TMEM178A: variants seen among roughly 807,000 people sequenced by gnomAD.
The protein encoded by TMEM178A is transmembrane protein 178A.
TMEM178A carries 12 observed loss-of-function variants against 29.1 expected under a neutral mutation model. That is an observed-to-expected ratio of 0.41 (90% CI 0.26 to 0.67). TMEM178A has a LOEUF of 0.67. Ranked by LOEUF, TMEM178A falls within the 30% of genes least tolerant of loss-of-function variation. The probability of loss-of-function intolerance (pLI) is 0.29; values close to 1 mark genes in which losing one functional copy is unlikely to be tolerated. For synonymous variants in TMEM178A, 210 were observed against 187.2 expected (o/e 1.12, Z -0.99); for missense variants, 366 against 419.1 (o/e 0.87, Z 1.11).
intron 3 of TMEM178A, among the ~76,000 whole-genome samples, chr2:39,715,947 C>T (rs1024200488): frequency 1.6e-4 from 25 of 152,172 alleles, no homozygotes; most frequent in African/African-American, 6.0e-4. Context: ...ACTTTTAGCT[C>T]TCTCTTTTCA....
rs1572655791 is a variant in TMEM178A, at chr2:39,680,582, A to G, written c.400+14208A>G. 5.9e-5 allele frequency among the ~76,000 whole-genome samples: 9 copies of G among 152,216 alleles called. 1 individual carries two copies. In the South Asian group the frequency reaches 1.9e-3, roughly 32 times the overall value. ...TCTTAGATGATTTCATAGGGAATTG[A>G]TAATAAGTTATACCTGGTGTCAGGA... On this transcript the variant is annotated intron_variant, in intron 1 of 3. Coordinates refer to ENST00000281961, the MANE Select transcript of TMEM178A (RefSeq NM_152390.3).
intron 3 of TMEM178A, among the ~76,000 whole-genome samples, chr2:39,709,789 G>A (rs1457964681): frequency 6.6e-6 from 1 of 152,172 alleles, no homozygotes; most frequent in African/African-American, 2.4e-5. Context: ...GGAAAATGGG[G>A]GATGCTCTGG....
At chr2:39,675,458 T>C (rs1409095974) in intron 1 of TMEM178A, among the ~76,000 whole-genome samples, 1 of 152,098 alleles carries the variant, frequency 6.6e-6, no homozygotes, top group East Asian at 1.9e-4. Context: ...CTGAAATAAA[T>C]AGGTCTGAGA....
intron 1 of TMEM178A, among the ~76,000 whole-genome samples, chr2:39,679,033 A>T (rs1670750645): frequency 6.6e-6 from 1 of 152,108 alleles, no homozygotes; most frequent in Admixed American, 6.5e-5. Context: ...CACCTCTCTC[A>T]TTCCCTGCAG....
At chr2:39,719,967 G>A (rs1672670981), downstream of TMEM178A, among the ~76,000 whole-genome samples, 1 of 152,024 alleles carries the variant, frequency 6.6e-6, no homozygotes, top group Admixed American at 6.5e-5. Context: ...CATTAATGAA[G>A]CAAAACAGAC....
At chr2:39,731,502 GA>G in the TMEM178A span, among the ~76,000 whole-genome samples, 4 of 152,302 alleles carry the variant, frequency 2.6e-5, no homozygotes, top group Middle Eastern at 3.4e-3. Context: ...CTAGGAAGCA[GA>G]ACTTCTTTTA....
chr2:39,666,313 C>T lies in TMEM178A; in HGVS notation c.339C>T (p.Gly113=), dbSNP rs772869428. 2.1e-6 allele frequency: 3 copies of T among 1,451,030 alleles called. No individual in the cohort carries two copies. The highest frequency in any genetic ancestry group is 1.8e-4 in the Middle Eastern group (1 of 5,588). The allele number at this position is 1,451,030 out of a possible 1,614,324, so 89.9% of individuals were successfully genotyped here. A position where few individuals can be genotyped will look rare whatever the true frequency, so the allele number is the denominator to read the frequency against. The part of the protein sequence containing the change: ...CGRPLFATYS[G]LWRKCYFLGI... ...GGCCCCTCTTCGCCACCTACTCGGG[C>T]CTCTGGAGGAAGTGCTACTTCCTGG... The change falls in exon 1 of 4, where the codon GGC becomes GGT. Residue 113 remains glycine, a synonymous_variant. Coordinates refer to ENST00000281961, the MANE Select transcript of TMEM178A (RefSeq NM_152390.3).
chr2:39,699,534 G>A lies in TMEM178A; in HGVS notation c.401-4547G>A, dbSNP rs192563190. ...TGCAGTGGTGCAATCTCAGCTCACT[G>A]CAGCCTACATCTCCTGGGCTTAAGC... is the stretch of plus-strand genomic sequence containing the variant. On this transcript the variant is annotated intron_variant, in intron 1 of 3. Transcript: ENST00000281961. Among the ~76,000 whole-genome samples the A allele has an allele frequency of 8.2e-3, 1,245 of 151,720 alleles. 19 individuals carry two copies. The highest frequency in any genetic ancestry group is 0.029 in the African/African-American group (1,187 of 41,236).
At chr2:39,702,203 G>A (rs1438039918) in intron 1 of TMEM178A, among the ~76,000 whole-genome samples, 1 of 151,834 alleles carries the variant, frequency 6.6e-6, no homozygotes, top group Admixed American at 6.6e-5. Flanking sequence ...TTTTATTGTT[G>A]TTGCTGTTGT....
intron 3 of TMEM178A, among the ~76,000 whole-genome samples, chr2:39,710,667 A>G (rs1230261056): frequency 6.6e-6 from 1 of 152,206 alleles, no homozygotes. Context: ...TTAGCTGTAG[A>G]ACGTTCACAT....
chr2:39,689,450 G>A (rs1298497894), intron 1 of TMEM178A, among the ~76,000 whole-genome samples: 1 of 152,160 alleles, frequency 6.6e-6, no homozygotes, highest in Non-Finnish European at 1.5e-5. Context: ...AAAGCCATGT[G>A]CTAAATAAAT....
intron 1 of TMEM178A, among the ~76,000 whole-genome samples, chr2:39,670,396 C>A (rs898088281): frequency 6.6e-6 from 1 of 152,044 alleles, no homozygotes; most frequent in Non-Finnish European, 1.5e-5. Flanking sequence ...GATAAAAATC[C>A]CTGCCTTCAT....
the TMEM178A span, among the ~76,000 whole-genome samples, chr2:39,731,238 G>T: frequency 6.6e-6 from 1 of 152,194 alleles, no homozygotes; most frequent in African/African-American, 2.4e-5. Context: ...TCTTCACAAG[G>T]GGGAGGGTCT....
chr2:39,666,480 C>T (rs1371641568), intron 1 of TMEM178A, 106 bp downstream of exon 1: 7 of 930,214 alleles, frequency 7.5e-6, no homozygotes, highest in South Asian at 5.2e-5. Context: ...GCCGCGGCCC[C>T]GCGCCTGGGC....
At chr2:39,706,269 A>T (rs968863354) in intron 2 of TMEM178A, among the ~76,000 whole-genome samples, 1 of 152,166 alleles carries the variant, frequency 6.6e-6, no homozygotes, top group Non-Finnish European at 1.5e-5. Flanking sequence ...AGTGGAGATT[A>T]TGTAGTGGAG....
chr2:39,690,216 G>T (rs1671255327), intron 1 of TMEM178A, among the ~76,000 whole-genome samples: 1 of 152,182 alleles, frequency 6.6e-6, no homozygotes, highest in Admixed American at 6.5e-5. Context: ...CCATCAAGGG[G>T]CCCAACCATG....
chr2:39,718,876 A>T (rs1327567601), downstream of TMEM178A, among the ~76,000 whole-genome samples: 1 of 152,234 alleles, frequency 6.6e-6, no homozygotes, highest in East Asian at 1.9e-4. Flanking sequence ...AGAAGACGCC[A>T]TTCCAGAATA....
At chr2:39,695,575 G>A (rs1417853555) in intron 1 of TMEM178A, among the ~76,000 whole-genome samples, 1 of 151,780 alleles carries the variant, frequency 6.6e-6, no homozygotes, top group African/African-American at 2.4e-5. Flanking sequence ...TAAAGTTAGT[G>A]ATGTAGGCTA....
At chr2:39,668,507 G>A (rs925547943) in intron 1 of TMEM178A, among the ~76,000 whole-genome samples, 3 of 152,228 alleles carry the variant, frequency 2.0e-5, no homozygotes, top group South Asian at 2.1e-4. Context: ...GACCTTCTTC[G>A]CCTTCGGTTT....
Sources: allele counts gnomAD v4.1 joint callset (sites outside exome capture counted in the v4.1 genomes callset), GRCh38; gene constraint gnomAD v4.1.1; transcripts MANE v1.5; gene names NCBI Gene and HGNC (gene_info 2026-07-23, HGNC 2026-07-21).